KAZN: variants seen among roughly 807,000 people sequenced by gnomAD.
KAZN encodes kazrin, periplakin interacting protein.
In KAZN, 40 loss-of-function variants were observed where a neutral mutation model predicts 87.4. That is an observed-to-expected ratio of 0.46 (90% CI 0.36 to 0.60). The LOEUF is 0.60. Ranked by LOEUF, KAZN falls within the 20% of genes least tolerant of loss-of-function variation. The pLI is 0.00. For missense variants in KAZN, 898 were observed against 1,073.9 expected, an observed-to-expected ratio of 0.84 and a Z score of 2.29; for synonymous variants, 466 against 458.3, an observed-to-expected ratio of 1.02 and a Z score of -0.22.
At chr1:14,238,206 G>A (rs1953828) in intron 2 of KAZN, among the ~76,000 whole-genome samples, 5,552 of 152,294 alleles carry the variant, frequency 0.036, 162 homozygotes, top group East Asian at 0.096. Flanking sequence ...ATCTAGGTAA[G>A]CAGTAGACCC....
At chr1:14,049,337 G>A (rs938488028) in intron 1 of KAZN, among the ~76,000 whole-genome samples, 1 of 152,032 alleles carries the variant, frequency 6.6e-6, no homozygotes, top group South Asian at 2.1e-4. Context: ...GAGCGGGGAG[G>A]GATAGCATTA....
chr1:13,966,513 C>T (rs1641951025), intron 1 of KAZN, among the ~76,000 whole-genome samples: 1 of 152,154 alleles, frequency 6.6e-6, no homozygotes, highest in Admixed American at 6.5e-5. Flanking sequence ...GGGTCACTGA[C>T]AAGGAAGCCC....
At chr1:14,034,386 T>C (rs1191003059) in intron 1 of KAZN, among the ~76,000 whole-genome samples, 1 of 152,110 alleles carries the variant, frequency 6.6e-6, no homozygotes, top group Non-Finnish European at 1.5e-5. Flanking sequence ...CAGGGCAGAA[T>C]TGGTTAATTT....
chr1:14,909,950 GGCTGA>G (rs1657059981), intron 1 of KAZN, among the ~76,000 whole-genome samples: 1 of 152,178 alleles, frequency 6.6e-6, no homozygotes, highest in African/African-American at 2.4e-5. Flanking sequence ...CTACTCGGGA[GGCTGA>G]GACAAGAGAA....
intron 2 of KAZN, among the ~76,000 whole-genome samples, chr1:14,206,598 A>G (rs867856008): frequency 1.8e-4 from 28 of 152,228 alleles, no homozygotes; most frequent in Admixed American, 9.2e-4. Context: ...GTTTTAAAAA[A>G]AATAAAATCT....
chr1:14,721,190 G>C (rs10803307), intron 1 of KAZN, among the ~76,000 whole-genome samples: 39,864 of 152,084 alleles, frequency 0.26, 5,712 homozygotes, highest in South Asian at 0.42. Flanking sequence ...ATCCCCACAT[G>C]TCATGGGAGG....
chr1:14,892,031 C>T (rs1311399536), intron 1 of KAZN, among the ~76,000 whole-genome samples: 1 of 152,070 alleles, frequency 6.6e-6, no homozygotes, highest in Non-Finnish European at 1.5e-5. Flanking sequence ...AACATGCCCC[C>T]GTCCCTACCT....
intron 1 of KAZN, among the ~76,000 whole-genome samples, chr1:14,655,372 A>G (rs1158226363): frequency 6.6e-6 from 1 of 152,224 alleles, no homozygotes; most frequent in Non-Finnish European, 1.5e-5. Context: ...TGCAAGTATG[A>G]GGCTGGTCCG....
chr1:14,536,925 C>G (rs1462422295), intron 2 of KAZN, among the ~76,000 whole-genome samples: 1 of 152,034 alleles, frequency 6.6e-6, no homozygotes, highest in African/African-American at 2.4e-5. Context: ...TTTCTTTCTC[C>G]CTCTTTGGTT....
intron 1 of KAZN, among the ~76,000 whole-genome samples, chr1:14,664,439 A>T (rs1365280716): frequency 6.6e-6 from 1 of 152,090 alleles, no homozygotes; most frequent in Non-Finnish European, 1.5e-5. Context: ...CCTCAAAAGG[A>T]AGTAGAATGG....
chr1:14,694,476 T>G (rs1441586214), intron 1 of KAZN, among the ~76,000 whole-genome samples: 1 of 152,080 alleles, frequency 6.6e-6, no homozygotes, highest in African/African-American at 2.4e-5. Flanking sequence ...ATTCATTCAT[T>G]CATTTATTCA....
chr1:14,193,742 A>G (rs1646470851), intron 2 of KAZN, among the ~76,000 whole-genome samples: 7 of 151,520 alleles, frequency 4.6e-5, no homozygotes, highest in Admixed American at 3.9e-4. Flanking sequence ...TGGAATAAAA[A>G]TGGTTGCACT....
At chr1:14,852,854 C>A (rs1649625950) in intron 1 of KAZN, among the ~76,000 whole-genome samples, 1 of 152,166 alleles carries the variant, frequency 6.6e-6, no homozygotes, top group African/African-American at 2.4e-5. Context: ...ACATGGGCCT[C>A]CCTAGGAGCT....
At chr1:13,923,139 A>T (rs1480547199) in intron 1 of KAZN, among the ~76,000 whole-genome samples, 2 of 152,216 alleles carry the variant, frequency 1.3e-5, no homozygotes, top group Non-Finnish European at 2.9e-5. Context: ...AACTACCAAT[A>T]GCCTACTGCT....
At chr1:14,237,498 G>C (rs1335510906) in intron 2 of KAZN, among the ~76,000 whole-genome samples, 1 of 152,080 alleles carries the variant, frequency 6.6e-6, no homozygotes, top group Non-Finnish European at 1.5e-5. Flanking sequence ...GAGTTTTAGT[G>C]TGCAGATACT....
chr1:14,223,767 G>A (rs1325527832), intron 2 of KAZN, among the ~76,000 whole-genome samples: 1 of 152,190 alleles, frequency 6.6e-6, no homozygotes, highest in Non-Finnish European at 1.5e-5. Context: ...TTAATTAAGA[G>A]TATTTGCACA....
chr1:14,960,567 A>G lies in KAZN; in HGVS notation c.227-117A>G, dbSNP rs546661159. 17 of 1,054,056 alleles carry G rather than the reference A, an allele frequency of 1.6e-5. No homozygotes were observed. The African/African-American group carries it at 2.4e-4, about 15-fold the overall frequency. The allele number at this position is 1,054,056 out of a possible 1,614,324, so 65.3% of individuals were successfully genotyped here. On this transcript the variant is annotated intron_variant, in intron 1 of 14. Coordinates refer to ENST00000376030, the MANE Select transcript of KAZN (RefSeq NM_201628.3). ...AGTGGCCTCCCTTCACACATGTAGG[A>G]AAGGCCCTGAATGCAGAGCAAACAA...
At chr1:15,057,336 G>A (rs1190858375) in intron 5 of KAZN, among the ~76,000 whole-genome samples, 1 of 152,250 alleles carries the variant, frequency 6.6e-6, no homozygotes, top group Admixed American at 6.5e-5. Flanking sequence ...GACGTTTGCT[G>A]AGACTTCCTT....
intron 4 of KAZN, among the ~76,000 whole-genome samples, chr1:15,054,266 C>A (rs1402604911): frequency 2.6e-5 from 4 of 152,032 alleles, no homozygotes; most frequent in Non-Finnish European, 5.9e-5. Flanking sequence ...CTGTAGCTAC[C>A]CCGGAAACGT....
Sources: gnomAD v4.1 joint callset for allele counts (sites outside exome capture counted in the v4.1 genomes callset) on GRCh38, gnomAD v4.1.1 for gene constraint, MANE v1.5 for transcripts, NCBI Gene and HGNC (gene_info 2026-07-23, HGNC 2026-07-21) for gene names.